The following PAPPA2 variants were observed in gnomAD, a reference collection of about 807,000 sequenced individuals.
PAPPA2 encodes pappalysin 2.
Under a neutral mutation model 176.4 loss-of-function variants are expected in PAPPA2, and 86 were observed. The ratio of observed to expected loss-of-function variants is 0.49; its 90% CI spans 0.41 to 0.58. The LOEUF (loss-of-function observed/expected upper bound fraction) is 0.58. PAPPA2 is among the 20% of genes least tolerant of loss of function. The pLI is 0.00. For synonymous variants in PAPPA2, 809 were observed against 852.2 expected (o/e 0.95, Z 0.88); for missense variants, 2,073 against 2,256.9 (o/e 0.92, Z 1.65).
At chr1:176,657,386 G>A (rs386467088) in intron 3 of PAPPA2, among the ~76,000 whole-genome samples, 3 of 152,040 alleles carry the variant, frequency 2.0e-5, no homozygotes, top group Non-Finnish European at 4.4e-5. Context: ...ATCCTGAAAG[G>A]TCTTGTAAAC....
intron 1 of PAPPA2, among the ~76,000 whole-genome samples, chr1:176,487,580 T>C (rs2102488652): frequency 6.6e-6 from 1 of 152,322 alleles, no homozygotes; most frequent in Middle Eastern, 3.4e-3. Context: ...ACATGGCCTG[T>C]TCTGCAACAG....
At chr1:176,500,097 A>C (rs1274588147) in intron 1 of PAPPA2, among the ~76,000 whole-genome samples, 2 of 129,846 alleles carry the variant, frequency 1.5e-5, no homozygotes, top group Admixed American at 8.5e-5. Flanking sequence ...GAGAGGTGAC[A>C]TTTGTGAAAA....
chr1:176,768,422 G>A (rs1176095240), intron 15 of PAPPA2, among the ~76,000 whole-genome samples: 3 of 152,078 alleles, frequency 2.0e-5, no homozygotes, highest in African/African-American at 7.2e-5. Context: ...GCATATTTGT[G>A]TTTTCTTTCT....
chr1:176,765,587 C>A (rs1663925169), intron 14 of PAPPA2, 79 bp from the exon 15 acceptor site: 3 of 1,408,226 alleles, frequency 2.1e-6, no homozygotes, highest in Non-Finnish European at 2.9e-6. Flanking sequence ...GGAGCCCTCC[C>A]AGATGGAGCT....
Position 176,810,339 on chromosome 1 carries a change from C to T in PAPPA2, c.5202+10207C>T, listed in dbSNP as rs931736994. On this transcript the variant is annotated intron_variant, in intron 21 of 22. Coordinates refer to ENST00000367662, the MANE Select transcript of PAPPA2 (RefSeq NM_020318.3). ...GAAGAACTGGAATGGTTTAGGGGGT[C>T]CCAACCTTTCTGGAACCAGCGACTA... Among the ~76,000 whole-genome samples the T allele has an allele frequency of 4.6e-5, 7 of 152,032 alleles. No individual in the cohort carries two copies. The East Asian group carries it at 1.3e-3, about 29-fold the overall frequency.
chr1:176,746,501 G>A (rs1662914208), intron 14 of PAPPA2, among the ~76,000 whole-genome samples: 2 of 151,986 alleles, frequency 1.3e-5, no homozygotes. Context: ...CTGCCTCCCG[G>A]GTTCACACCA....
At chr1:176,711,787 T>C in intron 11 of PAPPA2, 48 bp from the exon 12 acceptor site, 1 of 1,557,684 alleles carries the variant, frequency 6.4e-7, no homozygotes, top group Admixed American at 1.7e-5. Flanking sequence ...TCCTTACTTA[T>C]ATCTTCACAC....
chr1:176,761,022 C>T (rs1293133964), intron 14 of PAPPA2, among the ~76,000 whole-genome samples: 1 of 152,000 alleles, frequency 6.6e-6, no homozygotes, highest in African/African-American at 2.4e-5. Flanking sequence ...GGGGTTTCAC[C>T]GTGTTAGCCA....
chr1:176,841,600 T>C (rs932263978), intron 22 of PAPPA2, among the ~76,000 whole-genome samples: 1 of 152,084 alleles, frequency 6.6e-6, no homozygotes, highest in African/African-American at 2.4e-5. Flanking sequence ...ATACCTGATT[T>C]TTTCTGATGC....
chr1:176,717,129 A>C (rs933726750), intron 12 of PAPPA2, among the ~76,000 whole-genome samples: 2 of 152,130 alleles, frequency 1.3e-5, no homozygotes, highest in Non-Finnish European at 2.9e-5. Flanking sequence ...ATTAAGGAGG[A>C]GTATCTAATA....
chr1:176,509,989 A>T (rs1254178843), intron 1 of PAPPA2, among the ~76,000 whole-genome samples: 2 of 152,096 alleles, frequency 1.3e-5, no homozygotes, highest in African/African-American at 4.8e-5. Context: ...AGTTGTGATC[A>T]TGCCACTGCA....
At chr1:176,483,394 A>T (rs77671772) in intron 1 of PAPPA2, among the ~76,000 whole-genome samples, 1,625 of 150,666 alleles carry the variant, frequency 0.011, 27 homozygotes, top group African/African-American at 0.038. Context: ...AGCAGCTACT[A>T]CTAGGGCCTA....
Position 176,789,934 on chromosome 1 carries a change from T to C in PAPPA2, c.4841T>C (p.Leu1614Pro). Residue 1614 changes from leucine (L) to proline (P), a missense_variant, in exon 18 of 23, where the codon CTG (leucine) becomes CCG (proline). Around this residue, in one of 4 missense-constraint regions of PAPPA2, gnomAD observed 846 missense variants for 857.9 expected, o/e 0.99. Transcript: ENST00000367662. ...GMYECTNGFSLDSQCVLNCNQ... is the reference protein window; with the variant it reads ...GMYECTNGFSPDSQCVLNCNQ... ...TATGAATGTACCAATGGCTTCAGCC[T>C]GGACAGCCAGTGTGTGCTCAACTGT... The C allele has an allele frequency of 6.2e-7, 1 of 1,614,180 alleles. No homozygotes were observed. The highest frequency in any genetic ancestry group is 1.1e-5 in the South Asian group (1 of 91,084).
At chr1:176,627,426 A>G (rs1003651812) in intron 3 of PAPPA2, among the ~76,000 whole-genome samples, 1 of 152,184 alleles carries the variant, frequency 6.6e-6, no homozygotes, top group Non-Finnish European at 1.5e-5. Flanking sequence ...GCTCGAGAGA[A>G]GTTCAATAAA....
intron 21 of PAPPA2, among the ~76,000 whole-genome samples, chr1:176,809,951 AGTGTGT>A (rs55858181): frequency 0.13 from 18,029 of 133,582 alleles, 1,327 homozygotes; most frequent in African/African-American, 0.2. Flanking sequence ...GACAAGATGC[AGTGTGT>A]GTGTGTGTGT....
intron 3 of PAPPA2, among the ~76,000 whole-genome samples, chr1:176,617,976 G>C (rs1336973236): frequency 6.6e-6 from 1 of 152,174 alleles, no homozygotes; most frequent in East Asian, 1.9e-4. Context: ...GACTGAAACT[G>C]TGCTCAGTAA....
At position 176,486,816 on chromosome 1, in the gene PAPPA2, G is replaced by GAGA. The variant is rs1572959338; in HGVS notation, c.-917+23398_-917+23399insAGA. Among the ~76,000 whole-genome samples, 5 of 152,272 alleles carry GAGA rather than the reference G, an allele frequency of 3.3e-5. No homozygotes were observed. In the East Asian group the frequency reaches 5.8e-4, roughly 18 times the overall value. ...GAGCATGAAAAAAAGCACACTTGAA[G>GAGA]TTCAGGAGGTCTTGGAGAGCCCGTG... On this transcript the variant is annotated intron_variant, in intron 1 of 22. Transcript: ENST00000367662.
chr1:176,515,324 C>A (rs1325870315), intron 1 of PAPPA2, among the ~76,000 whole-genome samples: 1 of 152,124 alleles, frequency 6.6e-6, no homozygotes, highest in Non-Finnish European at 1.5e-5. Flanking sequence ...ACTTGAACTG[C>A]ACTGGAGGAT....
chr1:176,736,415 T>C (rs982936079), intron 12 of PAPPA2, among the ~76,000 whole-genome samples: 3 of 150,640 alleles, frequency 2.0e-5, no homozygotes, highest in Non-Finnish European at 4.4e-5. Flanking sequence ...TATATATGTA[T>C]GTATTCCTCA....
Sources: gnomAD v4.1 joint callset for allele counts (sites outside exome capture counted in the v4.1 genomes callset) on GRCh38, gnomAD v4.1.1 for gene constraint, gnomAD v4.1.1 regional missense constraint, MANE v1.5 for transcripts, NCBI Gene and HGNC (gene_info 2026-07-23, HGNC 2026-07-21) for gene names.